The following TTC23 variants were observed in gnomAD, a reference collection of about 807,000 sequenced individuals.
TTC23 encodes tetratricopeptide repeat domain 23.
In TTC23, 58 loss-of-function variants were observed where a neutral mutation model predicts 55.1. The observed-to-expected ratio is 1.05, with a 90% CI of 0.85 to 1.31. The LOEUF (loss-of-function observed/expected upper bound fraction) is 1.31, where lower values mean the gene tolerates loss of function less well. Among genes scored for constraint, TTC23 ranks in the 50% most tolerant of loss-of-function variants. TTC23 has a pLI of 0.00. For missense variants in TTC23, 516 were observed against 534.4 expected (o/e 0.97, Z 0.34); for synonymous variants, 203 against 199.9 (o/e 1.02, Z -0.13).
intron 9 of TTC23, among the ~76,000 whole-genome samples, chr15:99,197,041 G>GCCAACTACA (rs1391631809): frequency 6.6e-6 from 1 of 151,674 alleles, no homozygotes; most frequent in African/African-American, 2.4e-5. Context: ...TTTTGTAACT[G>GCCAACTACA]CCAACTACAC....
chr15:99,233,353 C>T (rs1360219719), intron 4 of TTC23, among the ~76,000 whole-genome samples: 1 of 152,150 alleles, frequency 6.6e-6, no homozygotes, highest in Non-Finnish European at 1.5e-5. Context: ...GATGACATCA[C>T]TACAGATTCT....
chr15:99,220,672 T>A (rs1401652854), intron 6 of TTC23, among the ~76,000 whole-genome samples: 2 of 152,236 alleles, frequency 1.3e-5, no homozygotes, highest in Non-Finnish European at 2.9e-5. Flanking sequence ...ACGCTTGGTA[T>A]AGAATATGCT....
chr15:99,199,943 A>G lies in TTC23; in HGVS notation c.735T>C (p.Asp245=), dbSNP rs772627958. The change falls in exon 9 of 14, where the codon GAT becomes GAC. Residue 245 remains aspartate (D), a synonymous_variant. Transcript: ENST00000394132. ...CCTGGAGGAAGTGGTTGATGGATAC[A>G]TCGTGGAGTCCCAGGGCTTGCTCTA... ...AGVEQALGLH[D]VSINHFLQAH... is the part of the protein sequence containing the mutation. 6.8e-6 allele frequency: 11 copies of G among 1,613,112 alleles called. No individual in the cohort carries two copies. Among genetic ancestry groups the G allele is most frequent in the Non-Finnish European group, 9.3e-6 (11 of 1,179,578 alleles).
rs1251115141 is a variant in TTC23 at position 99,161,860 on chromosome 15, A to C, written c.873T>G (p.Ala291=). 1.3e-6 allele frequency: 2 copies of C among 1,596,650 alleles called. No individual in the cohort carries two copies. The highest frequency in any genetic ancestry group is 3.7e-5 in the Admixed American group (2 of 54,456). The change falls in exon 11 of 14, where the codon GCT becomes GCG. Residue 291 remains alanine, a synonymous_variant. Coordinates refer to ENST00000394132, the MANE Select transcript of TTC23 (RefSeq NM_001288615.3). Reference sequence around the variant, plus strand: ...CCATGCTCTCTTGAAAATACTGCTCAGCTACATCTGAAGAAAAGCATTTAT... The same window carrying C: ...CCATGCTCTCTTGAAAATACTGCTCCGCTACATCTGAAGAAAAGCATTTAT... ...ASGRHEHHDV[A]EQYFQESMAH...
intron 10 of TTC23, among the ~76,000 whole-genome samples, chr15:99,166,490 G>A (rs568196760): frequency 2.0e-5 from 3 of 152,300 alleles, no homozygotes; most frequent in African/African-American, 7.2e-5. Flanking sequence ...GCTTGTCAGT[G>A]TACGTGGACC....
At chr15:99,146,213 T>C (rs892728318) in intron 12 of TTC23, among the ~76,000 whole-genome samples, 9 of 152,352 alleles carry the variant, frequency 5.9e-5, no homozygotes, top group African/African-American at 1.4e-4. Flanking sequence ...TGTACCCACA[T>C]AGAAATTATG....
chr15:99,220,405 C>T (rs774750228), intron 6 of TTC23, among the ~76,000 whole-genome samples: 14 of 152,146 alleles, frequency 9.2e-5, no homozygotes, highest in African/African-American at 3.1e-4. Flanking sequence ...AGAAAAGCAT[C>T]GTCTGAAACC....
chr15:99,205,371 T>C (rs1247948272), intron 8 of TTC23, among the ~76,000 whole-genome samples: 1 of 152,188 alleles, frequency 6.6e-6, no homozygotes, highest in Non-Finnish European at 1.5e-5. Context: ...ATTAAATCTG[T>C]AGGTTGCTTT....
intron 9 of TTC23, among the ~76,000 whole-genome samples, chr15:99,180,324 CA>C (rs1316495890): frequency 6.6e-6 from 1 of 151,622 alleles, no homozygotes; most frequent in Non-Finnish European, 1.5e-5. Context: ...TAATATTCCA[CA>C]TTGAACAAGG....
At chr15:99,153,965 A>C (rs1330550095) in intron 12 of TTC23, among the ~76,000 whole-genome samples, 1 of 152,228 alleles carries the variant, frequency 6.6e-6, no homozygotes, top group Non-Finnish European at 1.5e-5. Context: ...CTCCATGCAA[A>C]TAAATCTGAA....
chr15:99,182,015 T>TACC (rs2074170048), intron 9 of TTC23, among the ~76,000 whole-genome samples: 1 of 152,208 alleles, frequency 6.6e-6, no homozygotes, highest in African/African-American at 2.4e-5. Flanking sequence ...TTTTCTTCGT[T>TACC]TGGTTGCAAG....
At chr15:99,232,566 A>G (rs1425593299) in intron 4 of TTC23, among the ~76,000 whole-genome samples, 1 of 152,116 alleles carries the variant, frequency 6.6e-6, no homozygotes, top group East Asian at 1.9e-4. Flanking sequence ...AATGCCCAAG[A>G]TTGTTATCAT....
chr15:99,212,419 C>G (rs1397253898), intron 8 of TTC23, among the ~76,000 whole-genome samples: 1 of 152,162 alleles, frequency 6.6e-6, no homozygotes, highest in Non-Finnish European at 1.5e-5. Flanking sequence ...TTGTAAGTGA[C>G]TTTCTTTACC....
intron 8 of TTC23, among the ~76,000 whole-genome samples, chr15:99,200,516 C>A (rs1255574801): frequency 6.6e-6 from 1 of 152,124 alleles, no homozygotes; most frequent in East Asian, 1.9e-4. Flanking sequence ...ATGACAGCAA[C>A]CATCAAGGAA....
chr15:99,146,034 A>C (rs2068817606), intron 12 of TTC23, among the ~76,000 whole-genome samples: 1 of 152,142 alleles, frequency 6.6e-6, no homozygotes. Context: ...GCCAAGTCCC[A>C]TGGGTTCTAA....
chr15:99,210,510 G>A (rs1262385191), intron 8 of TTC23, among the ~76,000 whole-genome samples: 1 of 152,188 alleles, frequency 6.6e-6, no homozygotes, highest in Non-Finnish European at 1.5e-5. Flanking sequence ...GTGTCCCACA[G>A]GAGCAGCTGA....
At chr15:99,242,389 G>C (rs926074750) in intron 2 of TTC23, among the ~76,000 whole-genome samples, 13 of 152,098 alleles carry the variant, frequency 8.5e-5, no homozygotes, top group African/African-American at 3.1e-4. Context: ...CCCAGGCTCA[G>C]ATGGCATCAG....
intron 11 of TTC23, 22 bp from the exon 12 acceptor site, chr15:99,156,319 A>G (rs2070558746): frequency 1.9e-6 from 3 of 1,612,028 alleles, no homozygotes; most frequent in South Asian, 1.1e-5. Flanking sequence ...ACAAAAAGCT[A>G]TCTGGTTAAC....
intron 12 of TTC23, among the ~76,000 whole-genome samples, chr15:99,147,275 G>C (rs1192794112): frequency 7.2e-6 from 1 of 139,168 alleles, no homozygotes; most frequent in Non-Finnish European, 1.5e-5. Context: ...ACCCAGGCTG[G>C]AGTGCAGCGG....
Sources: gnomAD v4.1 joint callset for allele counts (sites outside exome capture counted in the v4.1 genomes callset) on GRCh38, gnomAD v4.1.1 for gene constraint, MANE v1.5 for transcripts, NCBI Gene and HGNC (gene_info 2026-07-23, HGNC 2026-07-21) for gene names.